PTPRD: variants seen among roughly 807,000 people sequenced by gnomAD.
PTPRD encodes protein tyrosine phosphatase receptor type D.
Under a neutral mutation model 214.5 loss-of-function variants are expected in PTPRD, and 34 were observed. The ratio of observed to expected loss-of-function variants is 0.16; its 90% CI spans 0.12 to 0.21. PTPRD has a LOEUF of 0.21. Among genes scored for constraint, PTPRD ranks in the 10% least tolerant of loss-of-function variants. PTPRD has a pLI of 1.00. For missense variants in PTPRD, 2,545 were observed against 2,398.7 expected (o/e 1.06, Z -1.27); for synonymous variants, 1,128 against 845.7 (o/e 1.33, Z -5.79).
chr9:8,433,916 C>T (rs2095223312), intron 35 of PTPRD, among the ~76,000 whole-genome samples: 1 of 152,126 alleles, frequency 6.6e-6, no homozygotes, highest in African/African-American at 2.4e-5. Context: ...CACTGACACC[C>T]AGAGCAACTA....
At chr9:8,952,343 C>T (rs540845293) in intron 11 of PTPRD, among the ~76,000 whole-genome samples, 2 of 152,030 alleles carry the variant, frequency 1.3e-5, no homozygotes, top group South Asian at 2.1e-4. Flanking sequence ...TAATTGTCAT[C>T]AACGTACTGC....
chr9:10,258,444 C>A (rs1035200339), intron 3 of PTPRD, among the ~76,000 whole-genome samples: 1 of 152,098 alleles, frequency 6.6e-6, no homozygotes, highest in East Asian at 1.9e-4. Context: ...GCCATAATAT[C>A]TCGGAGTGCT....
In PTPRD at chr9:10,107,762, GA is replaced by G. The variant is rs554119631; in HGVS notation, c.-544-73973del. Among the ~76,000 whole-genome samples, 114 of 152,136 alleles carry G rather than the reference GA, an allele frequency of 7.5e-4. 4 individuals carry two copies. In the East Asian group the frequency reaches 0.021, roughly 28 times the overall value. On this transcript the variant is annotated intron_variant, in intron 3 of 45. Transcript: ENST00000381196. ...AAACATTTGTTGCATTAGGGACTGG[GA>G]AAAGATAGACATTAGAACTGCAATG...
chr9:9,949,030 G>A (rs2093144671), intron 4 of PTPRD, among the ~76,000 whole-genome samples: 1 of 151,984 alleles, frequency 6.6e-6, no homozygotes, highest in African/African-American at 2.4e-5. Flanking sequence ...AAAGGGTGAA[G>A]AATACGAGAA....
In PTPRD at chr9:8,340,346, G is replaced by A. The variant is rs2132345270; in HGVS notation, c.5250C>T (p.Gly1750=). The A allele has an allele frequency of 6.2e-7, 1 of 1,606,606 alleles. No individual in the cohort carries two copies. Among genetic ancestry groups the A allele is most frequent in the Non-Finnish European group, 8.5e-7 (1 of 1,174,636 alleles). The change falls in exon 42 of 46, where the codon GGC becomes GGT. Residue 1750 remains glycine (G), a synonymous_variant. Transcript: ENST00000381196. Reference sequence around the variant, plus strand: ...CACACAAGGGCCACACACTTACTCTGCCCATTTCACGCAGCTTGGTGAGCA... The same window carrying A: ...CACACAAGGGCCACACACTTACTCTACCCATTTCACGCAGCTTGGTGAGCA... ...VVMLTKLREM[G]REKCHQYWPA... is the part of the protein sequence containing the mutation.
At chr9:10,341,888 C>T (rs780495161) in intron 2 of PTPRD, among the ~76,000 whole-genome samples, 1 of 151,408 alleles carries the variant, frequency 6.6e-6, no homozygotes, top group African/African-American at 2.4e-5. Context: ...TATTACTCAG[C>T]ATAGAGTGTT....
chr9:9,377,845 A>G (rs1200692870), intron 9 of PTPRD, among the ~76,000 whole-genome samples: 1 of 151,714 alleles, frequency 6.6e-6, no homozygotes, highest in Non-Finnish European at 1.5e-5. Flanking sequence ...ACTTCTTAAA[A>G]TAATATTTTA....
chr9:9,660,965 T>G (rs1453381351), intron 7 of PTPRD, among the ~76,000 whole-genome samples: 1 of 152,006 alleles, frequency 6.6e-6, no homozygotes, highest in Non-Finnish European at 1.5e-5. Flanking sequence ...GTGAAGATGT[T>G]AGGCAGCTTC....
At chr9:9,836,029 C>A (rs1233253869) in intron 5 of PTPRD, among the ~76,000 whole-genome samples, 1 of 152,146 alleles carries the variant, frequency 6.6e-6, no homozygotes, top group Admixed American at 6.6e-5. Flanking sequence ...GTACAAGGAA[C>A]TTTTAAAAGT....
intron 9 of PTPRD, among the ~76,000 whole-genome samples, chr9:9,337,487 C>G (rs535409402): frequency 2.6e-5 from 4 of 152,192 alleles, no homozygotes; most frequent in African/African-American, 9.6e-5. Context: ...CCCATATAGC[C>G]AGGGGATGAT....
intron 7 of PTPRD, among the ~76,000 whole-genome samples, chr9:9,672,600 T>C (rs1479889917): frequency 6.6e-6 from 1 of 152,116 alleles, no homozygotes; most frequent in Admixed American, 6.6e-5. Context: ...CATTTGTACT[T>C]AGCTACTTCA....
At chr9:8,661,497 G>C (rs988400534) in intron 12 of PTPRD, among the ~76,000 whole-genome samples, 2 of 152,044 alleles carry the variant, frequency 1.3e-5, no homozygotes, top group Non-Finnish European at 2.9e-5. Context: ...CAATAAAAGT[G>C]TTAGAATATA....
chr9:9,284,551 T>A (rs1352495316), intron 9 of PTPRD, among the ~76,000 whole-genome samples: 1 of 151,734 alleles, frequency 6.6e-6, no homozygotes. Flanking sequence ...TCCATGAACA[T>A]CTTGGTCAAT....
rs1490473350 is a variant in PTPRD, at chr9:8,399,399, G to A, written c.4210+5138C>T. On this transcript the variant is annotated intron_variant, in intron 36 of 45. Transcript: ENST00000381196. ...GTTTTCAAGTGGGGTTTAAATGTTC[G>A]TGAAATTATCAAAAGGATCCAGCTT... 5.3e-5 allele frequency among the ~76,000 whole-genome samples: 8 copies of A among 152,176 alleles called. No homozygotes were observed. The South Asian group carries it at 1.5e-3, about 28-fold the overall frequency.
chr9:8,572,603 A>G (rs532669650), intron 14 of PTPRD, among the ~76,000 whole-genome samples: 1 of 152,238 alleles, frequency 6.6e-6, no homozygotes, highest in East Asian at 1.9e-4. Flanking sequence ...TAGACAACAC[A>G]AAAATTCTTC....
intron 6 of PTPRD, among the ~76,000 whole-genome samples, chr9:9,749,108 T>C (rs1022043553): frequency 6.6e-6 from 1 of 152,138 alleles, no homozygotes; most frequent in African/African-American, 2.4e-5. Context: ...ACTCCTCTGA[T>C]TCTAAAGTTT....
intron 3 of PTPRD, among the ~76,000 whole-genome samples, chr9:10,253,940 AT>A (rs1475928700): frequency 2.0e-5 from 3 of 152,204 alleles, no homozygotes; most frequent in Non-Finnish European, 4.4e-5. Flanking sequence ...AAAAAGAAAA[AT>A]ATCCAAAAAC....
At chr9:9,659,336 G>C (rs571173908) in intron 7 of PTPRD, among the ~76,000 whole-genome samples, 1 of 152,050 alleles carries the variant, frequency 6.6e-6, no homozygotes, top group Non-Finnish European at 1.5e-5. Flanking sequence ...GAATATTTGA[G>C]AGAGAAAAAA....
At chr9:9,518,098 G>T (rs1331135953) in intron 8 of PTPRD, among the ~76,000 whole-genome samples, 1 of 152,000 alleles carries the variant, frequency 6.6e-6, no homozygotes, top group African/African-American at 2.4e-5. Flanking sequence ...TTCAAGTAAT[G>T]ACTCTGCTCA....
Sources: gnomAD v4.1 joint callset for allele counts (sites outside exome capture counted in the v4.1 genomes callset) on GRCh38, gnomAD v4.1.1 for gene constraint, MANE v1.5 for transcripts, NCBI Gene and HGNC (gene_info 2026-07-23, HGNC 2026-07-21) for gene names.